The following SVEP1 variants were observed in gnomAD, a reference collection of about 807,000 sequenced individuals.
The protein encoded by SVEP1 is sushi, von Willebrand factor type A, EGF and pentraxin domain containing 1, also known as sushi, von Willebrand factor type A, EGF and pentraxin domain-containing protein 1.
Under a neutral mutation model 367.3 loss-of-function variants are expected in SVEP1, and 164 were observed. The ratio of observed to expected loss-of-function variants is 0.45; its 90% CI spans 0.39 to 0.51. The LOEUF is 0.51. Among genes scored for constraint, SVEP1 ranks in the 20% least tolerant of loss-of-function variants. The pLI is 0.00. For missense variants in SVEP1, 4,117 were observed against 4,425.3 expected (o/e 0.93, Z 1.98); for synonymous variants, 1,666 against 1,611.6 (o/e 1.03, Z -0.81).
rs1159508723 is a variant in SVEP1 at position 110,555,817 on chromosome 9, G to A, written c.532-5713C>T. ...ATTTACTGAAAATAATTTACCCCTC[G>A]CCCCAATCTTTGTGCTTCATCGTAC... On this transcript the variant is annotated intron_variant, in intron 1 of 47. Transcript: ENST00000374469. Among the ~76,000 whole-genome samples the A allele has an allele frequency of 3.9e-5, 6 of 152,028 alleles. No individual in the cohort carries two copies. In the East Asian group the frequency reaches 9.6e-4, roughly 24 times the overall value.
intron 24 of SVEP1, among the ~76,000 whole-genome samples, chr9:110,447,674 T>A (rs188196282): frequency 7.9e-5 from 12 of 152,342 alleles, no homozygotes; most frequent in Admixed American, 7.8e-4. Flanking sequence ...TGAGTAAGAC[T>A]ACAATTTGGC....
intron 18 of SVEP1, among the ~76,000 whole-genome samples, chr9:110,462,607 G>C (rs1366717670): frequency 6.6e-6 from 1 of 150,910 alleles, no homozygotes; most frequent in Non-Finnish European, 1.5e-5. Context: ...ATGAACTAGT[G>C]TCATGAGAAA....
At chr9:110,578,727 C>A (rs1365608254) in intron 1 of SVEP1, among the ~76,000 whole-genome samples, 2 of 152,296 alleles carry the variant, frequency 1.3e-5, no homozygotes, top group South Asian at 4.1e-4. Context: ...CTCCTACAAA[C>A]GTGAATGTGA....
chr9:110,459,006 G>A lies in SVEP1; in HGVS notation c.3430C>T (p.Pro1144Ser), dbSNP rs781597220. The A allele has an allele frequency of 1.9e-4, 305 of 1,613,746 alleles. No homozygotes were observed. The highest frequency in any genetic ancestry group is 2.5e-4 in the Non-Finnish European group (300 of 1,179,796). Residue 1144 changes from proline (P) to serine (S), a missense_variant, in exon 19 of 48, where the codon CCC becomes TCC. Transcript: ENST00000374469. ...GCGAATGGGGTAGTTCCATAAAAGGGACAGGCCAGGCAGAAGGCCTTCCCT... is the reference window on the plus strand; with the variant it reads ...GCGAATGGGGTAGTTCCATAAAAGGAACAGGCCAGGCAGAAGGCCTTCCCT... ...NAGKAFCLAC[P>S]FYGTTPFAGS...
intron 45 of SVEP1, 130 bp downstream of exon 45, chr9:110,377,137 CTGTT>C (rs1454509722): frequency 1.7e-4 from 107 of 638,274 alleles, no homozygotes; most frequent in Non-Finnish European, 1.6e-4. Flanking sequence ...CATATGTGCT[CTGTT>C]TGGTGTGGAC....
At chr9:110,390,381 A>G (rs1182092954) in intron 40 of SVEP1, among the ~76,000 whole-genome samples, 3 of 100,030 alleles carry the variant, frequency 3.0e-5, no homozygotes, top group East Asian at 2.0e-4. Context: ...CTACTTATAT[A>G]TATATATACT....
chr9:110,394,285 T>G (rs1455568214), intron 40 of SVEP1, among the ~76,000 whole-genome samples: 2 of 152,208 alleles, frequency 1.3e-5, no homozygotes, highest in African/African-American at 4.8e-5. Context: ...GACCTGCAGC[T>G]GAGGGTCCTG....
At chr9:110,392,405 T>C (rs1361991881) in intron 40 of SVEP1, among the ~76,000 whole-genome samples, 1 of 152,046 alleles carries the variant, frequency 6.6e-6, no homozygotes, top group Non-Finnish European at 1.5e-5. Context: ...AATTTCCGTA[T>C]TCATTTTGTG....
chr9:110,554,821 T>A (rs1203771949), intron 1 of SVEP1, among the ~76,000 whole-genome samples: 1 of 152,092 alleles, frequency 6.6e-6, no homozygotes, highest in African/African-American at 2.4e-5. Context: ...TAAATAATAC[T>A]TGGAACAAAG....
chr9:110,565,855 T>TG (rs1216387607), intron 1 of SVEP1, among the ~76,000 whole-genome samples: 1 of 152,064 alleles, frequency 6.6e-6, no homozygotes, highest in Non-Finnish European at 1.5e-5. Context: ...CTACTAGATC[T>TG]GACAACATGA....
chr9:110,430,107 C>CCT, intron 33 of SVEP1, 103 bp from the exon 34 acceptor site: 1 of 964,346 alleles, frequency 1.0e-6, no homozygotes, highest in Non-Finnish European at 1.5e-6. Context: ...TGTTTGTTTT[C>CCT]TTTTTTTTTT....
chr9:110,559,715 G>A (rs1199586765), intron 1 of SVEP1, among the ~76,000 whole-genome samples: 1 of 151,914 alleles, frequency 6.6e-6, no homozygotes, highest in Non-Finnish European at 1.5e-5. Context: ...ATATGTTAAG[G>A]AAATAACAAT....
In SVEP1 at chr9:110,503,019, A is replaced by G. The variant is rs1424799182; in HGVS notation, c.1483+19T>C. ...GAGGAAATGAATCACTCAAGGCATT[A>G]CACCTTCTAGAAACTTACCCACACA... On this transcript the variant is annotated intron_variant, in intron 6 of 47. Coordinates refer to ENST00000374469, the MANE Select transcript of SVEP1 (RefSeq NM_153366.4). The G allele has an allele frequency of 1.9e-6, 3 of 1,604,000 alleles. No homozygotes were observed. Among genetic ancestry groups the G allele is most frequent in the Admixed American group, 1.7e-5 (1 of 58,282 alleles).
At chr9:110,396,250 T>G (rs1169116605) in intron 40 of SVEP1, among the ~76,000 whole-genome samples, 2 of 151,250 alleles carry the variant, frequency 1.3e-5, no homozygotes, top group African/African-American at 2.4e-5. Context: ...GAATGACTAC[T>G]GGGTACATAA....
At chr9:110,397,790 G>GT (rs1827788814) in intron 40 of SVEP1, among the ~76,000 whole-genome samples, 1 of 152,164 alleles carries the variant, frequency 6.6e-6, no homozygotes, top group Non-Finnish European at 1.5e-5. Context: ...TACAAGGGAT[G>GT]TGAAGGGCCT....
At position 110,400,911 on chromosome 9, in the gene SVEP1, A is replaced by C. The variant is rs1024225070; in HGVS notation, c.9765T>G (p.Ser3255Arg). 8.1e-6 allele frequency: 13 copies of C among 1,613,826 alleles called. No individual in the cohort carries two copies. Among genetic ancestry groups the C allele is most frequent in the Non-Finnish European group, 1.1e-5 (13 of 1,179,856 alleles). Reference protein sequence around the residue: ...ESPEHGFVVGSKYTFESTIIY... With the variant: ...ESPEHGFVVGRKYTFESTIIY... Reference sequence around the variant, plus strand: ...TAATTGTGCTTTCAAAGGTGTATTTACTGCCAACCACAAATCCATGTTCTG... The same window carrying C: ...TAATTGTGCTTTCAAAGGTGTATTTCCTGCCAACCACAAATCCATGTTCTG... The change falls in exon 40 of 48, where the codon AGT (serine) becomes AGG (arginine). Residue 3255 changes from serine to arginine, a missense_variant. Physicochemically the swap from Ser to Arg is moderately radical, Grantham distance 110. This residue lies in a region of SVEP1 where 1,765 missense variants were observed against 1,781.1 expected (regional missense o/e 0.99). Coordinates refer to ENST00000374469, the MANE Select transcript of SVEP1 (RefSeq NM_153366.4).
chr9:110,411,241 G>A lies in SVEP1; in HGVS notation c.6470C>T (p.Ala2157Val). The change falls in exon 37 of 48, where the codon GCA becomes GTA. Residue 2157 changes from alanine to valine, a missense_variant. Around this residue, in one of 4 missense-constraint regions of SVEP1, gnomAD observed 1,765 missense variants for 1,781.1 expected, o/e 0.99. Transcript: ENST00000374469. ...GEPPSIMNGY[A>V]SGSNYSFGAM... ...TCCAAAACTGTAGTTTGATCCACTTGCATAGCCATTCATGATGCTTGGTGG... is the reference window on the plus strand; with the variant it reads ...TCCAAAACTGTAGTTTGATCCACTTACATAGCCATTCATGATGCTTGGTGG... The A allele has an allele frequency of 6.2e-7, 1 of 1,614,010 alleles. No homozygotes were observed. The highest frequency in any genetic ancestry group is 8.5e-7 in the Non-Finnish European group (1 of 1,179,894).
rs73657605 is a variant in SVEP1 at position 110,576,955 on chromosome 9, C to T, written c.531+2058G>A. 6.6e-3 allele frequency among the ~76,000 whole-genome samples: 996 copies of T among 152,040 alleles called. 7 individuals carry two copies. The highest frequency in any genetic ancestry group is 0.023 in the African/African-American group (945 of 41,496). ...AGTAAGTTCCAGATGGATTAAACTG[C>T]TAAATAGAAAACTATTTCTCTGATT... On this transcript the variant is annotated intron_variant, in intron 1 of 47. Transcript: ENST00000374469.
At chr9:110,451,163 T>C in intron 23 of SVEP1, 126 bp downstream of exon 23, 1 of 722,512 alleles carries the variant, frequency 1.4e-6, no homozygotes, top group Non-Finnish European at 2.2e-6. Flanking sequence ...GAGGACTTTC[T>C]CTTACATAAT....
Sources: allele counts gnomAD v4.1 joint callset (sites outside exome capture counted in the v4.1 genomes callset), GRCh38; gene constraint gnomAD v4.1.1; regional missense constraint gnomAD v4.1.1; transcripts MANE v1.5; gene names NCBI Gene and HGNC (gene_info 2026-07-23, HGNC 2026-07-21).